The following CATSPERD variants were observed in gnomAD, a reference collection of about 807,000 sequenced individuals.
CATSPERD encodes the protein catsper channel auxiliary subunit delta, also known as cation channel sperm-associated auxiliary subunit delta.
Under a neutral mutation model 98.1 loss-of-function variants are expected in CATSPERD, and 86 were observed. The ratio of observed to expected loss-of-function variants is 0.88; its 90% CI spans 0.74 to 1.05. The LOEUF (loss-of-function observed/expected upper bound fraction) is 1.05, where lower values mean the gene tolerates loss of function less well. Among genes scored for constraint, CATSPERD ranks in the 50% least tolerant of loss-of-function variants. The pLI, the probability that CATSPERD is intolerant of heterozygous loss-of-function variation, is 0.00. For missense variants in CATSPERD, 995 were observed against 1,005.7 expected (o/e 0.99, Z 0.14); for synonymous variants, 394 against 390.2 (o/e 1.01, Z -0.12).
chr19:5,766,289 G>GAA (rs10645590), intron 17 of CATSPERD, 134 bp downstream of exon 17: 138,381 of 240,512 alleles, frequency 0.58, 38,017 homozygotes, highest in Admixed American at 0.67. Context: ...CGTCTCTACT[G>GAA]AAAAAAAAAA....
intron 15 of CATSPERD, among the ~76,000 whole-genome samples, chr19:5,761,699 C>T (rs2056438259): frequency 1.5e-5 from 1 of 66,472 alleles, no homozygotes; most frequent in Non-Finnish European, 3.4e-5. Flanking sequence ...AACTATCATA[C>T]ATTCTTTTTT....
At chr19:5,773,602 AAG>A (rs2056689154) in intron 20 of CATSPERD, among the ~76,000 whole-genome samples, 1 of 148,580 alleles carries the variant, frequency 6.7e-6, no homozygotes, top group Admixed American at 6.7e-5. Flanking sequence ...CAGCTCACTG[AAG>A]ACTCAAGCCT....
intron 18 of CATSPERD, among the ~76,000 whole-genome samples, chr19:5,770,079 ACT>A (rs1320400341): frequency 7.3e-6 from 1 of 136,642 alleles, no homozygotes; most frequent in African/African-American, 2.8e-5. Context: ...ACAGAGCGAG[ACT>A]CTGTCTCAAA....
intron 18 of CATSPERD, among the ~76,000 whole-genome samples, chr19:5,770,430 C>CAA (rs539340482): frequency 0.034 from 2,825 of 81,954 alleles, 40 homozygotes; most frequent in Middle Eastern, 0.073. Context: ...AACTCCGTCT[C>CAA]AAAAAAAAAA....
chr19:5,757,637 C>T (rs1229115256), intron 13 of CATSPERD, among the ~76,000 whole-genome samples: 5 of 140,978 alleles, frequency 3.5e-5, no homozygotes, highest in African/African-American at 1.1e-4. Context: ...GACAGGATCT[C>T]TCTGTGTTGC....
At chr19:5,761,042 G>T (rs1003098525) in intron 15 of CATSPERD, among the ~76,000 whole-genome samples, 1 of 146,392 alleles carries the variant, frequency 6.8e-6, no homozygotes, top group Non-Finnish European at 1.5e-5. Context: ...TTTTGTTTTT[G>T]TTTTTTTTTT....
chr19:5,761,695 C>G (rs896474079), intron 15 of CATSPERD, among the ~76,000 whole-genome samples: 1 of 56,074 alleles, frequency 1.8e-5, no homozygotes, highest in Non-Finnish European at 4.1e-5. Context: ...GAGAAACTAT[C>G]ATACATTCTT....
intron 15 of CATSPERD, among the ~76,000 whole-genome samples, chr19:5,761,441 ATGGCTGGCTGGCTGCC>A (rs1018838922): frequency 6.6e-6 from 1 of 151,570 alleles, no homozygotes; most frequent in African/African-American, 2.4e-5. Flanking sequence ...GGATGGATGG[ATGGCTGGCTGGCTGCC>A]TGGCTGGCTG....
At chr19:5,754,096 A>T in intron 12 of CATSPERD, 36 bp from the exon 13 acceptor site, 1 of 1,406,722 alleles carries the variant, frequency 7.1e-7, no homozygotes, top group Middle Eastern at 1.8e-4. Context: ...TGGGAACAGG[A>T]GCATGATTAT....
intron 7 of CATSPERD, among the ~76,000 whole-genome samples, chr19:5,742,420 G>T (rs551582339): frequency 6.6e-6 from 1 of 152,132 alleles, no homozygotes; most frequent in Non-Finnish European, 1.5e-5. Context: ...AGAGGTTACC[G>T]CAGAGAATAG....
intron 6 of CATSPERD, among the ~76,000 whole-genome samples, chr19:5,738,961 C>G (rs1284845918): frequency 6.6e-6 from 1 of 152,052 alleles, no homozygotes; most frequent in African/African-American, 2.4e-5. Context: ...CTCCTGGCGT[C>G]AACTGATCCG....
At position 5,720,736 on chromosome 19, in the gene CATSPERD, C is replaced by G. The variant is rs373395246; in HGVS notation, c.-2C>G. On this transcript the variant is annotated 5_prime_UTR_variant, in exon 1 of 22. Coordinates refer to ENST00000381624, the MANE Select transcript of CATSPERD (RefSeq NM_152784.4). Reference sequence around the variant, plus strand: ...CAGTGGTGGCGGCGGAAGCCCAAGTCGATGCTGATGTTGATGCTGGTGGCG... The same window carrying G: ...CAGTGGTGGCGGCGGAAGCCCAAGTGGATGCTGATGTTGATGCTGGTGGCG... The G allele has an allele frequency of 8.1e-6, 13 of 1,606,566 alleles. No homozygotes were observed. The African/African-American group carries it at 1.2e-4, about 15-fold the overall frequency.
intron 14 of CATSPERD, among the ~76,000 whole-genome samples, chr19:5,758,200 G>A (rs2056363957): frequency 6.6e-6 from 1 of 152,026 alleles, no homozygotes; most frequent in Non-Finnish European, 1.5e-5. Flanking sequence ...GTAAACTGAG[G>A]CATGAGGATT....
At chr19:5,736,161 C>G (rs2055841494) in intron 5 of CATSPERD, among the ~76,000 whole-genome samples, 1 of 151,878 alleles carries the variant, frequency 6.6e-6, no homozygotes, top group African/African-American at 2.4e-5. Context: ...ATCCGCCCAC[C>G]TCTGCCTCCC....
Position 5,778,494 on chromosome 19 carries a change from C to T in CATSPERD, c.2215C>T (p.Leu739=). ...IISSILGSVW[L]AYKTPKLLRT... ...CTCCAGCATCCTGGGGTCCGTTTGG[C>T]TGGCCTACAAGACCCCCAAGCTGCT... The change falls in exon 22 of 22, where the codon CTG becomes TTG. Residue 739 remains leucine (L), a synonymous_variant. Coordinates refer to ENST00000381624, the MANE Select transcript of CATSPERD (RefSeq NM_152784.4). 1 of 1,614,072 alleles carries T rather than the reference C, an allele frequency of 6.2e-7. No homozygotes were observed. Among genetic ancestry groups the T allele is most frequent in the Non-Finnish European group, 8.5e-7 (1 of 1,180,038 alleles).
intron 4 of CATSPERD, among the ~76,000 whole-genome samples, chr19:5,730,729 G>A (rs1014252184): frequency 2.2e-4 from 33 of 150,932 alleles, no homozygotes; most frequent in African/African-American, 6.8e-4. Flanking sequence ...ACCAGCCTGG[G>A]CGGCTGGGCA....
intron 20 of CATSPERD, among the ~76,000 whole-genome samples, chr19:5,773,294 A>G (rs1052298166): frequency 2.6e-5 from 4 of 152,198 alleles, no homozygotes; most frequent in African/African-American, 9.6e-5. Context: ...AGCACAGATC[A>G]CGACTGCAAA....
At chr19:5,722,470 A>T (rs2055509896) in intron 1 of CATSPERD, among the ~76,000 whole-genome samples, 1 of 152,160 alleles carries the variant, frequency 6.6e-6, no homozygotes, top group Non-Finnish European at 1.5e-5. Flanking sequence ...AGTTAAAGAC[A>T]CACTTGCCTA....
At chr19:5,765,090 A>T (rs2056512457) in intron 16 of CATSPERD, among the ~76,000 whole-genome samples, 1 of 151,892 alleles carries the variant, frequency 6.6e-6, no homozygotes, top group African/African-American at 2.4e-5. Context: ...TTTATTTTTC[A>T]TAGAGATGAG....
Sources: allele counts gnomAD v4.1 joint callset (sites outside exome capture counted in the v4.1 genomes callset), GRCh38; gene constraint gnomAD v4.1.1; transcripts MANE v1.5; gene names NCBI Gene and HGNC (gene_info 2026-07-23, HGNC 2026-07-21).